The following ESAM variants were observed in gnomAD, a reference collection of about 807,000 sequenced individuals.
ESAM encodes the protein endothelial cell adhesion molecule.
Under a neutral mutation model 31.8 loss-of-function variants are expected in ESAM, and 23 were observed. That is an observed-to-expected ratio of 0.72 (90% CI 0.52 to 1.03). The LOEUF (loss-of-function observed/expected upper bound fraction) is 1.03. Among genes scored for constraint, ESAM ranks in the 50% least tolerant of loss-of-function variants. ESAM has a pLI of 0.00. For synonymous variants in ESAM, 216 were observed against 207.2 expected (o/e 1.04, Z -0.37); for missense variants, 478 against 488.9 (o/e 0.98, Z 0.21).
intron 1 of ESAM, among the ~76,000 whole-genome samples, chr11:124,760,597 A>G (rs1157897251): frequency 1.3e-5 from 2 of 152,372 alleles, no homozygotes; most frequent in Non-Finnish European, 1.5e-5. Context: ...CACCGGGGTC[A>G]CCAGTGCCAT....
rs1944130625 is a variant in ESAM at position 124,754,413 on chromosome 11, C to T, written c.731-73G>A. The T allele has an allele frequency of 1.3e-6, 2 of 1,567,352 alleles. No individual in the cohort carries two copies. Among genetic ancestry groups the T allele is most frequent in the African/African-American group, 2.7e-5 (2 of 73,648 alleles). On this transcript the variant is annotated intron_variant, in intron 5 of 6. Transcript: ENST00000278927. This position sits in a 1 kb window ranked among gnomAD's most constrained non-coding sequence, Gnocchi z 4.5. The stretch of plus-strand genomic sequence containing the variant: ...CACCCCTCTCCAATCCCACTCTCCC[C>T]ACCCCATCTGCCACCATACACATTC...
Position 124,759,781 on chromosome 11 carries a change from T to A in ESAM, c.71-1254A>T, listed in dbSNP as rs1421706204. On this transcript the variant is annotated intron_variant, in intron 1 of 6. Transcript: ENST00000278927. This position sits in a 1 kb window ranked among gnomAD's most constrained non-coding sequence, Gnocchi z 6.8. ...ATCTCTGTGGTCTGGGCAGGAAATT[T>A]GTACCCAGTGATAAGGCAGAAGACA... is the stretch of plus-strand genomic sequence containing the variant. Among the ~76,000 whole-genome samples, 1 of 152,086 alleles carries A rather than the reference T, an allele frequency of 6.6e-6. No homozygotes were observed. The highest frequency in any genetic ancestry group is 1.5e-5 in the Non-Finnish European group (1 of 68,002).
In ESAM at chr11:124,762,260, C is replaced by G. The variant is rs1247776326; in HGVS notation, c.-106G>C. On this transcript the variant is annotated 5_prime_UTR_variant, in exon 1 of 7. Coordinates refer to ENST00000278927, the MANE Select transcript of ESAM (RefSeq NM_138961.3). This position sits in a 1 kb window ranked among gnomAD's most constrained non-coding sequence, Gnocchi z 6.4. ...CGGAGCGTGCGCGGGAGCCGAGCCG[C>G]TGACACCCAGGGCGGCTCCAGCCCA... The G allele has an allele frequency of 4.5e-6, 4 of 886,552 alleles. No homozygotes were observed. Among genetic ancestry groups the G allele is most frequent in the Non-Finnish European group, 6.6e-6 (4 of 604,288 alleles). The allele number at this position is 886,552 out of a possible 1,614,324, so 54.9% of individuals were successfully genotyped here. A position where few individuals can be genotyped will look rare whatever the true frequency, so the allele number is the denominator to read the frequency against.
intron 2 of ESAM, among the ~76,000 whole-genome samples, chr11:124,758,130 T>C (rs1944178336): frequency 6.6e-6 from 1 of 152,200 alleles, no homozygotes; most frequent in South Asian, 2.1e-4. Context: ...TTTTACAGTA[T>C]TTTGTGTGCT....
intron 3 of ESAM, 67 bp from the exon 4 acceptor site, chr11:124,756,429 A>G: frequency 6.3e-7 from 1 of 1,579,708 alleles, no homozygotes; most frequent in South Asian, 1.2e-5. Context: ...TCTGCCCTGC[A>G]CCCTTCTGTC....
chr11:124,757,529 G>A (rs1372365301), intron 2 of ESAM: 3 of 152,162 alleles, frequency 2.0e-5, no homozygotes, highest in Admixed American at 6.5e-5. Flanking sequence ...ATGTAAGCCC[G>A]GTGTCAAAAC....
Position 124,762,143 on chromosome 11 carries a change from G to A in ESAM, c.12C>T (p.Leu4=), listed in dbSNP as rs753642761. The A allele has an allele frequency of 6.2e-7, 1 of 1,609,990 alleles. No homozygotes were observed. The highest frequency in any genetic ancestry group is 1.1e-5 in the South Asian group (1 of 90,858). The part of the protein sequence containing the change: MIS[L]PGPLVTNLLR... ...GCAAGTTGGTCACCAGGGGCCCCGG[G>A]AGGGAAATCATGGCCCTCCCTGGCC... The change falls in exon 1 of 7, where the codon CTC becomes CTT. Residue 4 remains leucine (L), a synonymous_variant. Coordinates refer to ENST00000278927, the MANE Select transcript of ESAM (RefSeq NM_138961.3). The surrounding 1 kb of genome is among the most constrained non-coding windows in gnomAD (Gnocchi z 6.4).
At chr11:124,758,723 C>T (rs7928640) in intron 1 of ESAM, among the ~76,000 whole-genome samples, 196 bp from the exon 2 acceptor site, 28,189 of 152,204 alleles carry the variant, frequency 0.19, 2,976 homozygotes, top group African/African-American at 0.29. Context: ...CATTTCATCA[C>T]GACTTCTCTC....
Position 124,754,990 on chromosome 11 carries a change from C to T in ESAM, c.608-227G>A, listed in dbSNP as rs1043126271. The stretch of plus-strand genomic sequence containing the variant: ...TCAGTCAGTGCCCCCAGTGGATATC[C>T]GACAGGAGGCCACAGAGAAAGTGAA... On this transcript the variant is annotated intron_variant, in intron 4 of 6. Coordinates refer to ENST00000278927, the MANE Select transcript of ESAM (RefSeq NM_138961.3). The surrounding 1 kb of genome is among the most constrained non-coding windows in gnomAD (Gnocchi z 4.5). 5.3e-5 allele frequency among the ~76,000 whole-genome samples: 8 copies of T among 152,008 alleles called. No individual in the cohort carries two copies. The highest frequency in any genetic ancestry group is 8.8e-5 in the Non-Finnish European group (6 of 68,008).
Position 124,754,395 on chromosome 11 carries a change from C to CT in ESAM, c.731-56dup. On this transcript the variant is annotated intron_variant, in intron 5 of 6. Transcript: ENST00000278927. The surrounding 1 kb of genome is among the most constrained non-coding windows in gnomAD (Gnocchi z 4.5). ...ACCCAGCTGAGGGGTTCTCACCCCT[C>CT]TCCAATCCCACTCTCCCCACCCCAT... 1 of 1,594,192 alleles carries CT rather than the reference C, an allele frequency of 6.3e-7. No homozygotes were observed. The highest frequency in any genetic ancestry group is 8.5e-7 in the Non-Finnish European group (1 of 1,170,060).
chr11:124,758,568 C>G (rs1944186412), intron 1 of ESAM, 41 bp from the exon 2 acceptor site: 4 of 1,459,664 alleles, frequency 2.7e-6, no homozygotes, highest in South Asian at 1.4e-5. Context: ...GGACCGGCTC[C>G]CAGCTCCGCC....
At position 124,754,663 on chromosome 11, in the gene ESAM, A is replaced by T. The variant is rs899526355; in HGVS notation, c.708T>A (p.Asn236Lys). The T allele has an allele frequency of 1.9e-6, 3 of 1,613,360 alleles. No individual in the cohort carries two copies. Among genetic ancestry groups the T allele is most frequent in the Non-Finnish European group, 2.5e-6 (3 of 1,179,828 alleles). Residue 236 changes from asparagine (N) to lysine (K), a missense_variant, in exon 5 of 7, where the codon AAT becomes AAA. Asn to Lys is a moderately conservative substitution (Grantham distance 94). Transcript: ENST00000278927. This position sits in a 1 kb window ranked among gnomAD's most constrained non-coding sequence, Gnocchi z 4.5. The stretch of plus-strand genomic sequence containing the variant: ...GACCTGTGCTCACTTCCAGCGTCAC[A>T]TTACATTGGGCAGTGCCCACCTCAT... Reference protein sequence around the residue: ...AHNEVGTAQCNVTLEVSTGPG... With the variant: ...AHNEVGTAQCKVTLEVSTGPG...
chr11:124,762,170 G>A lies in ESAM; in HGVS notation c.-16C>T, dbSNP rs749674268. ...GGGAAATCATGGCCCTCCCTGGCCG[G>A]GACGGAGTCAGGGGCGCCAGCCGCG... is the stretch of plus-strand genomic sequence containing the variant. On this transcript the variant is annotated 5_prime_UTR_variant, in exon 1 of 7. Transcript: ENST00000278927. The surrounding 1 kb of genome is among the most constrained non-coding windows in gnomAD (Gnocchi z 6.4). 5.0e-6 allele frequency: 8 copies of A among 1,599,326 alleles called. No individual in the cohort carries two copies. In the South Asian group the frequency reaches 8.9e-5, roughly 18 times the overall value.
rs1316463899 is a variant in ESAM at position 124,753,700 on chromosome 11, C to G, written c.1119G>C (p.Met373Ile). 2 of 1,613,950 alleles carry G rather than the reference C, an allele frequency of 1.2e-6. No homozygotes were observed. The highest frequency in any genetic ancestry group is 1.7e-6 in the Non-Finnish European group (2 of 1,180,052). The change falls in exon 7 of 7, where the codon ATG (methionine) becomes ATC (isoleucine). Residue 373 changes from methionine (M) to isoleucine (I), a missense_variant. Coordinates refer to ENST00000278927, the MANE Select transcript of ESAM (RefSeq NM_138961.3). Reference protein sequence around the residue: ...GGVSSSGLSRMGAVPVMVPAQ... With the variant: ...GGVSSSGLSRIGAVPVMVPAQ... The stretch of plus-strand genomic sequence containing the variant: ...CAGGCACCATCACAGGCACAGCACC[C>G]ATGCGGCTCAAGCCAGAGGAAGAAA...
chr11:124,753,528 G>T lies in ESAM; in HGVS notation c.*118C>A. 1 of 1,083,156 alleles carries T rather than the reference G, an allele frequency of 9.2e-7. No homozygotes were observed. The highest frequency in any genetic ancestry group is 1.3e-6 in the Non-Finnish European group (1 of 756,180). 67.1% of individuals were successfully genotyped at this position (1,083,156 alleles called of 1,614,324 possible). On this transcript the variant is annotated 3_prime_UTR_variant, in exon 7 of 7. Transcript: ENST00000278927. ...TTTTCCCACAGTAAAGAGAGGTGGG[G>T]GCAGAGTACTAAGGGTCAGGAGTGT...
At chr11:124,757,773 C>CT (rs1944173850) in intron 2 of ESAM, among the ~76,000 whole-genome samples, 1 of 149,530 alleles carries the variant, frequency 6.7e-6, no homozygotes, top group South Asian at 2.1e-4. Context: ...TTTTGGCTCA[C>CT]TGCAACCTCC....
At position 124,754,721 on chromosome 11, in the gene ESAM, G is replaced by GA; in HGVS notation, c.649dup (p.Ser217PhefsTer13). The GA allele has an allele frequency of 1.2e-6, 2 of 1,614,094 alleles. No individual in the cohort carries two copies. Among genetic ancestry groups the GA allele is most frequent in the Non-Finnish European group, 1.7e-6 (2 of 1,180,016 alleles). On this transcript the variant is annotated frameshift_variant, in exon 5 of 7. Transcript: ENST00000278927. LOFTEE classifies it high-confidence loss of function. The surrounding 1 kb of genome is among the most constrained non-coding windows in gnomAD (Gnocchi z 4.5). ...CTTGCAGACATAGACTCCAGCCATGGAAGACGAAAGGTTGGTGAGGCTTAA... is the reference window on the plus strand; with the variant it reads ...CTTGCAGACATAGACTCCAGCCATGGAAAGACGAAAGGTTGGTGAGGCTTAA...
At position 124,762,006 on chromosome 11, in the gene ESAM, A is replaced by G. The variant is rs1944235982; in HGVS notation, c.70+79T>C. 34 of 1,283,486 alleles carry G rather than the reference A, an allele frequency of 2.6e-5. 1 individual carries two copies. The South Asian group carries it at 4.3e-4, about 16-fold the overall frequency. 79.5% of individuals were successfully genotyped at this position (1,283,486 alleles called of 1,614,324 possible). On this transcript the variant is annotated intron_variant, in intron 1 of 6. Coordinates refer to ENST00000278927, the MANE Select transcript of ESAM (RefSeq NM_138961.3). This position sits in a 1 kb window ranked among gnomAD's most constrained non-coding sequence, Gnocchi z 6.4. Reference sequence around the variant, plus strand: ...GAGTCGTGGGACCCAGTTCCGCAGCAGTGGCCAAAGTTCTCCCTCAGGGTC... The same window carrying G: ...GAGTCGTGGGACCCAGTTCCGCAGCGGTGGCCAAAGTTCTCCCTCAGGGTC...
intron 2 of ESAM, 119 bp downstream of exon 2, chr11:124,758,230 C>T: frequency 1.7e-6 from 2 of 1,181,760 alleles, no homozygotes; most frequent in East Asian, 2.4e-5. Flanking sequence ...TTCTGCTTTT[C>T]CCTGAAACTC....
Sources: gnomAD v4.1 joint callset for allele counts (sites outside exome capture counted in the v4.1 genomes callset) on GRCh38, gnomAD v4.1.1 for gene constraint, Gnocchi (gnomAD v3.1) non-coding constraint, MANE v1.5 for transcripts, NCBI Gene and HGNC (gene_info 2026-07-23, HGNC 2026-07-21) for gene names.